Variants in NAALADL2 observed in about 807,000 individuals in gnomAD.
NAALADL2 encodes the protein N-acetylated alpha-linked acidic dipeptidase like 2, also known as inactive N-acetylated-alpha-linked acidic dipeptidase-like protein 2.
NAALADL2 carries 76 observed loss-of-function variants against 87.2 expected under a neutral mutation model. That is an observed-to-expected ratio of 0.87 (90% CI 0.72 to 1.05). NAALADL2 has a LOEUF of 1.05. Ranked by LOEUF, NAALADL2 falls within the 50% of genes least tolerant of loss-of-function variation. The probability of loss-of-function intolerance (pLI) is 0.00; values close to 1 mark genes in which losing one functional copy is unlikely to be tolerated. For missense variants in NAALADL2, 1,089 were observed against 945.8 expected, an observed-to-expected ratio of 1.15 and a Z score of -1.99; for synonymous variants, 354 against 331.0, an observed-to-expected ratio of 1.07 and a Z score of -0.75.
chr3:175,305,973 T>C (rs981797083), intron 4 of NAALADL2, among the ~76,000 whole-genome samples: 3 of 152,154 alleles, frequency 2.0e-5, no homozygotes, highest in Non-Finnish European at 4.4e-5. Flanking sequence ...TTTTTAAGAT[T>C]TTTTTGATAA....
intron 2 of NAALADL2, among the ~76,000 whole-genome samples, chr3:174,629,600 A>G (rs1721913155): frequency 6.6e-6 from 1 of 152,236 alleles, no homozygotes; most frequent in Non-Finnish European, 1.5e-5. Flanking sequence ...GAAGGGTAAA[A>G]CATTTCAAAC....
chr3:174,771,943 A>G (rs772645851), intron 3 of NAALADL2, among the ~76,000 whole-genome samples: 2 of 152,214 alleles, frequency 1.3e-5, no homozygotes, highest in Admixed American at 6.5e-5. Context: ...TCTTACTCTT[A>G]TCAAACATAT....
intron 1 of NAALADL2, among the ~76,000 whole-genome samples, chr3:175,012,368 G>A (rs756559880): frequency 6.8e-4 from 104 of 151,928 alleles, no homozygotes; most frequent in Non-Finnish European, 1.2e-4. Context: ...GAGTTTCACC[G>A]TGTTAGCCAG....
intron 1 of NAALADL2, among the ~76,000 whole-genome samples, chr3:174,902,326 A>G (rs1247865184): frequency 1.3e-5 from 2 of 152,178 alleles, no homozygotes; most frequent in African/African-American, 4.8e-5. Context: ...CTTGTGTTAT[A>G]GAACAGGTTA....
intron 3 of NAALADL2, among the ~76,000 whole-genome samples, chr3:174,803,705 G>T (rs890797986): frequency 1.3e-5 from 2 of 151,806 alleles, no homozygotes; most frequent in South Asian, 4.2e-4. Context: ...CAGTTTTCCC[G>T]GCACCATTTA....
At chr3:174,770,005 A>G (rs1714327447) in intron 3 of NAALADL2, among the ~76,000 whole-genome samples, 1 of 152,152 alleles carries the variant, frequency 6.6e-6, no homozygotes, top group Admixed American at 6.5e-5. Context: ...GCCCATCTTT[A>G]GAAATTGCAT....
chr3:174,794,981 C>CTTTTTTTTTTTTTTTTTTTTTTTT lies in NAALADL2; in HGVS notation c.-9+57239_-9+57262dup, dbSNP rs772447340. Reference sequence around the variant, plus strand: ...TTAAAAGTTGAAACTTCTAGTCCAGCTTTTTTTTTTTTTTTTTTTTTTTTT... The same window carrying CTTTTTTTTTTTTTTTTTTTTTTTT: ...TTAAAAGTTGAAACTTCTAGTCCAGCTTTTTTTTTTTTTTTTTTTTTTTTTTTTTTTTTTTTTTTTTTTTTTTTT... On this transcript the variant is annotated intron_variant, in intron 3 of 3. Coordinates refer to the NAALADL2 transcript ENST00000434257. Among the ~76,000 whole-genome samples the CTTTTTTTTTTTTTTTTTTTTTTTT allele has an allele frequency of 2.7e-4, 18 of 66,696 alleles. 1 individual carries two copies. Among genetic ancestry groups the CTTTTTTTTTTTTTTTTTTTTTTTT allele is most frequent in the Non-Finnish European group, 4.1e-4 (15 of 36,338 alleles). The allele number at this position is 66,696 out of a possible 152,430, so 43.8% of individuals were successfully genotyped here. A position where few individuals can be genotyped will look rare whatever the true frequency, so the allele number is the denominator to read the frequency against.
At chr3:175,517,290 G>T (rs1477163116) in intron 9 of NAALADL2, among the ~76,000 whole-genome samples, 1 of 152,044 alleles carries the variant, frequency 6.6e-6, no homozygotes, top group Non-Finnish European at 1.5e-5. Flanking sequence ...GTCCAACTAT[G>T]ATTTTAAGTG....
At chr3:174,520,658 T>C (rs1447551648) in intron 1 of NAALADL2, among the ~76,000 whole-genome samples, 1 of 152,200 alleles carries the variant, frequency 6.6e-6, no homozygotes, top group East Asian at 1.9e-4. Flanking sequence ...AAAGAATTTA[T>C]GACTAAGTCA....
intron 9 of NAALADL2, among the ~76,000 whole-genome samples, chr3:175,553,556 T>C (rs538023263): frequency 1.6e-4 from 25 of 152,104 alleles, no homozygotes; most frequent in African/African-American, 6.0e-4. Flanking sequence ...CTTAATTACA[T>C]ATTGCTTTGG....
chr3:174,903,573 G>T (rs1426539861), intron 1 of NAALADL2, among the ~76,000 whole-genome samples: 1 of 151,844 alleles, frequency 6.6e-6, no homozygotes, highest in Non-Finnish European at 1.5e-5. Context: ...CTATCTTTTA[G>T]TAGTAGTATT....
At chr3:175,408,216 G>C (rs1413112070) in intron 5 of NAALADL2, among the ~76,000 whole-genome samples, 1 of 152,040 alleles carries the variant, frequency 6.6e-6, no homozygotes, top group Non-Finnish European at 1.5e-5. Flanking sequence ...TGCTCTGCAT[G>C]ATGACTTCAG....
intron 5 of NAALADL2, among the ~76,000 whole-genome samples, chr3:175,375,859 G>A (rs1038235114): frequency 6.6e-6 from 1 of 151,662 alleles, no homozygotes; most frequent in African/African-American, 2.4e-5. Flanking sequence ...TGTTAATTGA[G>A]TATTATATTT....
rs1030618355 is a variant in NAALADL2 at position 175,663,539 on chromosome 3, G to A, written c.1896+36153G>A. On this transcript the variant is annotated intron_variant, in intron 11 of 13. Transcript: ENST00000454872. ...GGTAATCTTTTCTAATTTGTTTTCA[G>A]TCTGAATTTCATTTATTTCTACTTT... Among the ~76,000 whole-genome samples the A allele has an allele frequency of 3.3e-5, 5 of 150,986 alleles. No individual in the cohort carries two copies. In the East Asian group the frequency reaches 9.7e-4, roughly 29 times the overall value.
chr3:174,481,658 G>A (rs1277446630), intron 1 of NAALADL2, among the ~76,000 whole-genome samples: 1 of 152,082 alleles, frequency 6.6e-6, no homozygotes, highest in Non-Finnish European at 1.5e-5. Flanking sequence ...TCATGGCTAT[G>A]ATTTATTATA....
At chr3:174,647,018 G>A in intron 2 of NAALADL2, among the ~76,000 whole-genome samples, 1 of 152,024 alleles carries the variant, frequency 6.6e-6, no homozygotes, top group African/African-American at 2.4e-5. Context: ...ATTAGTCTAA[G>A]GGTTTTCAAT....
intron 3 of NAALADL2, among the ~76,000 whole-genome samples, chr3:174,781,761 C>G (rs1716012621): frequency 6.6e-6 from 1 of 151,882 alleles, no homozygotes; most frequent in Admixed American, 6.6e-5. Context: ...ATTGAGCACC[C>G]TGGTGACAGT....
chr3:174,840,445 T>C (rs889481990), intron 3 of NAALADL2, among the ~76,000 whole-genome samples: 2 of 152,062 alleles, frequency 1.3e-5, no homozygotes, highest in Non-Finnish European at 2.9e-5. Flanking sequence ...GAAATAAAAA[T>C]TAGTTGACAC....
chr3:174,877,829 C>T (rs564587967), intron 1 of NAALADL2, among the ~76,000 whole-genome samples: 4 of 151,992 alleles, frequency 2.6e-5, no homozygotes, highest in South Asian at 2.1e-4. Context: ...AAAGATGATA[C>T]GATTTTTCCC....
Sources: gnomAD v4.1 joint callset for allele counts (sites outside exome capture counted in the v4.1 genomes callset) on GRCh38, gnomAD v4.1.1 for gene constraint, MANE v1.5 for transcripts, NCBI Gene and HGNC (gene_info 2026-07-23, HGNC 2026-07-21) for gene names.